Variants in LRRC43 observed in about 807,000 individuals in gnomAD.
LRRC43 encodes leucine-rich repeat-containing protein 43.
LRRC43 carries 62 observed loss-of-function variants against 64.3 expected under a neutral mutation model. The observed-to-expected ratio is 0.96, with a 90% CI of 0.79 to 1.19. The LOEUF (loss-of-function observed/expected upper bound fraction) is 1.19, where lower values mean the gene tolerates loss of function less well. Ranked by LOEUF, LRRC43 falls within the 50% of genes most tolerant of loss-of-function variation. The pLI is 0.00. For synonymous variants in LRRC43, 422 were observed against 382.3 expected, an observed-to-expected ratio of 1.10 and a Z score of -1.21; for missense variants, 868 against 845.0, an observed-to-expected ratio of 1.03 and a Z score of -0.34.
chr12:122,199,278 C>CTTTTTTTT lies in LRRC43; in HGVS notation c.1350-896_1350-889dup, dbSNP rs1165454881. 3.5e-5 allele frequency among the ~76,000 whole-genome samples: 3 copies of CTTTTTTTT among 86,154 alleles called. 1 individual carries two copies. The highest frequency in any genetic ancestry group is 1.1e-4 in the African/African-American group (2 of 18,010). The allele number at this position is 86,154 out of a possible 152,430, so 56.5% of individuals were successfully genotyped here. A position where few individuals can be genotyped will look rare whatever the true frequency, so the allele number is the denominator to read the frequency against. Reference sequence around the variant, plus strand: ...TGGGGCTAGGCTAGAATTGTTTCAGCTTTTTTTTTTTTTTTTTTTTTTGAG... The same window carrying CTTTTTTTT: ...TGGGGCTAGGCTAGAATTGTTTCAGCTTTTTTTTTTTTTTTTTTTTTTTTTTTTTTGAG... On this transcript the variant is annotated intron_variant, in intron 7 of 11. Coordinates refer to ENST00000339777, the MANE Select transcript of LRRC43 (RefSeq NM_001098519.2).
At chr12:122,174,005 C>T (rs375047959) in intron 1 of LRRC43, 188 of 1,613,636 alleles carry the variant, frequency 1.2e-4, no homozygotes, top group Middle Eastern at 4.9e-4. Flanking sequence ...GGAGAGAGAA[C>T]GATGCCGTGA....
intron 1 of LRRC43, chr12:122,172,454 T>G: frequency 2.5e-6 from 4 of 1,614,162 alleles, no homozygotes; most frequent in Non-Finnish European, 3.4e-6. Flanking sequence ...ATGATTTTAG[T>G]GCGAGGTCCA....
chr12:122,170,026 C>G (rs139046628), intron 1 of LRRC43, among the ~76,000 whole-genome samples: 2 of 152,000 alleles, frequency 1.3e-5, no homozygotes, highest in Non-Finnish European at 2.9e-5. Context: ...AGCCTGGTCT[C>G]GAGCTCCTGA....
chr12:122,167,968 C>G (rs543283635), intron 1 of LRRC43, among the ~76,000 whole-genome samples: 3 of 151,696 alleles, frequency 2.0e-5, no homozygotes, highest in South Asian at 2.1e-4. Context: ...GTGTGCACCA[C>G]CACACCTGGC....
At chr12:122,185,582 C>A (rs1479441318) in intron 2 of LRRC43, among the ~76,000 whole-genome samples, 2 of 152,228 alleles carry the variant, frequency 1.3e-5, no homozygotes, top group Non-Finnish European at 2.9e-5. Flanking sequence ...GCCTTCCCAA[C>A]CCTTGGCTTT....
In LRRC43 at chr12:122,183,317, T is replaced by A. The variant is rs757071779; in HGVS notation, c.150+23T>A. ...TGGGTGCGGGCGCCGGGGCCGGAAC[T>A]CTGGGGGCCTGGACCGGCTGCGGGG... On this transcript the variant is annotated intron_variant, in intron 1 of 11. Transcript: ENST00000339777. 8 of 1,465,624 alleles carry A rather than the reference T, an allele frequency of 5.5e-6. No individual in the cohort carries two copies. In the South Asian group the frequency reaches 8.5e-5, roughly 16 times the overall value. 90.8% of individuals were successfully genotyped at this position (1,465,624 alleles called of 1,614,324 possible). A position where few individuals can be genotyped will look rare whatever the true frequency, so the allele number is the denominator to read the frequency against.
chr12:122,176,320 C>T lies in LRRC43; in HGVS notation c.-405-8199C>T, dbSNP rs758783940. Among the ~76,000 whole-genome samples the T allele has an allele frequency of 4.6e-5, 7 of 151,994 alleles. No homozygotes were observed. The Middle Eastern group carries it at 0.01, about 222-fold the overall frequency. On this transcript the variant is annotated intron_variant, in intron 1 of 5. Transcript: ENST00000537729. ...AATGAGCTCGATGCTGTTCCTAGAA[C>T]GGGAAGAGGGTCATGGCAGCCACAG...
At chr12:122,175,729 C>T (rs984338974) in intron 1 of LRRC43, among the ~76,000 whole-genome samples, 2 of 151,836 alleles carry the variant, frequency 1.3e-5, no homozygotes, top group African/African-American at 2.4e-5. Flanking sequence ...TGCAATAGCA[C>T]GATCTCGGCT....
upstream of LRRC43, chr12:122,183,096 T>C (rs1233480407): frequency 1.3e-6 from 2 of 1,514,270 alleles, no homozygotes; most frequent in Non-Finnish European, 8.8e-7. Context: ...GAGAGGCCCC[T>C]GCCCCCGCGC....
At chr12:122,170,725 C>G (rs928962112) in intron 1 of LRRC43, among the ~76,000 whole-genome samples, 5 of 152,136 alleles carry the variant, frequency 3.3e-5, no homozygotes, top group Non-Finnish European at 7.4e-5. Flanking sequence ...GTCTCAGAGT[C>G]CTAACCACAT....
At chr12:122,178,065 T>A (rs898310209) in intron 1 of LRRC43, among the ~76,000 whole-genome samples, 1 of 151,894 alleles carries the variant, frequency 6.6e-6, no homozygotes, top group African/African-American at 2.4e-5. Context: ...CTTGAACTCC[T>A]GACCTCAAGT....
At position 122,203,430 on chromosome 12, in the gene LRRC43, G is replaced by A; in HGVS notation, c.1959G>A (p.Met653Ile). The part of the protein sequence containing the change: ...QCRSAEEALR[M>I]FAV ...GCTCGGCGGAGGAGGCTCTGCGCAT[G>A]TTCGCCGTGTAGGGCGTGGGCAGTA... Residue 653 changes from methionine to isoleucine, a missense_variant, in exon 12 of 12, where the codon ATG becomes ATA. Transcript: ENST00000339777. 1.2e-6 allele frequency: 2 copies of A among 1,610,980 alleles called. No individual in the cohort carries two copies. Among genetic ancestry groups the A allele is most frequent in the Non-Finnish European group, 1.7e-6 (2 of 1,179,570 alleles).
intron 1 of LRRC43, among the ~76,000 whole-genome samples, chr12:122,175,153 C>T (rs1641004214): frequency 6.7e-6 from 1 of 148,596 alleles, no homozygotes; most frequent in African/African-American, 2.6e-5. Context: ...AACTTTATTG[C>T]TTTTCTTTCT....
In LRRC43 at chr12:122,186,200, T is replaced by C; in HGVS notation, c.422T>C (p.Val141Ala). 1.3e-6 allele frequency: 2 copies of C among 1,591,902 alleles called. No homozygotes were observed. The highest frequency in any genetic ancestry group is 1.7e-6 in the Non-Finnish European group (2 of 1,168,656). ...LRVIDKKVTLVDKDLLKFLKL... is the reference protein window; with the variant it reads ...LRVIDKKVTLADKDLLKFLKL... ...TCTCCCCTCTTCCAGGTCACCCTGG[T>C]GGATAAAGACCTCCTGAAATTTCTA... The change falls in exon 3 of 12, where the codon GTG (valine) becomes GCG (alanine). Residue 141 changes from valine to alanine, a missense_variant. By Grantham distance (64) the Val-to-Ala change is moderately conservative. Transcript: ENST00000339777.
upstream of LRRC43, among the ~76,000 whole-genome samples, chr12:122,179,708 C>T (rs533039032): frequency 4.6e-5 from 7 of 152,220 alleles, 1 homozygote; most frequent in South Asian, 1.2e-3. Flanking sequence ...TGCGGTGGCT[C>T]ACACCTGTAA....
In LRRC43 at chr12:122,184,563, G is replaced by A. The variant is rs777320283; in HGVS notation, c.195G>A (p.Glu65=). 16 of 1,613,880 alleles carry A rather than the reference G, an allele frequency of 9.9e-6. No individual in the cohort carries two copies. Among genetic ancestry groups the A allele is most frequent in the Non-Finnish European group, 1.4e-5 (16 of 1,179,846 alleles). ...CTCAAACTTGGCGAACTTGGAGGGA[G>A]CTTGTCCCCAGAGAGGAGGATGTGG... ...FLPQTWRTWR[E]LVPREEDVVS... The change falls in exon 2 of 12, where the codon GAG becomes GAA. Residue 65 remains glutamate, a synonymous_variant. Coordinates refer to ENST00000339777, the MANE Select transcript of LRRC43 (RefSeq NM_001098519.2). The surrounding 1 kb of genome is among the most constrained non-coding windows in gnomAD (Gnocchi z 4.0).
intron 7 of LRRC43, among the ~76,000 whole-genome samples, chr12:122,194,577 A>G (rs1953756291): frequency 1.2e-5 from 1 of 84,154 alleles, no homozygotes; most frequent in African/African-American, 3.8e-5. Flanking sequence ...AAAAAAAAAA[A>G]AAAGAAAAGA....
At chr12:122,173,092 C>T (rs1410968850) in intron 1 of LRRC43, among the ~76,000 whole-genome samples, 1 of 152,154 alleles carries the variant, frequency 6.6e-6, no homozygotes, top group Non-Finnish European at 1.5e-5. Flanking sequence ...ACGCACGCTC[C>T]ACTTATAAAG....
At chr12:122,186,641 A>G (rs148686900) in intron 3 of LRRC43, among the ~76,000 whole-genome samples, 354 of 152,342 alleles carry the variant, frequency 2.3e-3, no homozygotes, top group Non-Finnish European at 3.6e-3. Context: ...TGGACAGGCC[A>G]GGCGCGGTGG....
Sources: gnomAD v4.1 joint callset for allele counts (sites outside exome capture counted in the v4.1 genomes callset) on GRCh38, gnomAD v4.1.1 for gene constraint, Gnocchi (gnomAD v3.1) non-coding constraint, MANE v1.5 for transcripts, NCBI Gene and HGNC (gene_info 2026-07-23, HGNC 2026-07-21) for gene names.